The following RBM19 variants were observed in gnomAD, a reference collection of about 807,000 sequenced individuals.
The protein encoded by RBM19 is RNA binding motif protein 19.
RBM19 carries 94 observed loss-of-function variants against 116.8 expected under a neutral mutation model. The observed-to-expected ratio is 0.80, with a 90% CI of 0.68 to 0.95. The LOEUF is 0.95. Among genes scored for constraint, RBM19 ranks in the 40% least tolerant of loss-of-function variants. The probability of loss-of-function intolerance (pLI) is 0.00; values close to 1 mark genes in which losing one functional copy is unlikely to be tolerated. For missense variants in RBM19, 1,161 were observed against 1,220.7 expected, an observed-to-expected ratio of 0.95 and a Z score of 0.73; for synonymous variants, 475 against 494.1, an observed-to-expected ratio of 0.96 and a Z score of 0.51.
intron 11 of RBM19, among the ~76,000 whole-genome samples, chr12:113,946,831 AG>A (rs1871067443): frequency 6.6e-6 from 1 of 152,282 alleles, no homozygotes; most frequent in African/African-American, 2.4e-5. Context: ...GATGGCAACA[AG>A]GGGATCAAGA....
At position 113,823,136 on chromosome 12, in the gene RBM19, C is replaced by T; in HGVS notation, c.*88G>A. ...GCCGCCTGCCGCTCCCCGCCCCGCC[C>T]CCCAGCCCACATGGTGGTGAGTGCA... On this transcript the variant is annotated 3_prime_UTR_variant, in exon 24 of 24. Transcript: ENST00000261741. 7.6e-7 allele frequency: 1 copy of T among 1,308,536 alleles called. No individual in the cohort carries two copies. The highest frequency in any genetic ancestry group is 1.5e-5 in the African/African-American group (1 of 68,276). The allele number at this position is 1,308,536 out of a possible 1,614,324, so 81.1% of individuals were successfully genotyped here.
intron 15 of RBM19, among the ~76,000 whole-genome samples, chr12:113,937,544 T>C (rs760477850): frequency 1.1e-4 from 16 of 148,400 alleles, no homozygotes; most frequent in Non-Finnish European, 2.3e-4. Flanking sequence ...ACTTTCTCTC[T>C]ATGTGCATAT....
chr12:113,851,508 A>G (rs1877442770), intron 22 of RBM19, among the ~76,000 whole-genome samples: 1 of 152,222 alleles, frequency 6.6e-6, no homozygotes, highest in Non-Finnish European at 1.5e-5. Context: ...CACGGGCAGC[A>G]CGGACAGCTG....
At chr12:113,854,039 G>A (rs1877684898) in intron 22 of RBM19, among the ~76,000 whole-genome samples, 1 of 152,102 alleles carries the variant, frequency 6.6e-6, no homozygotes, top group South Asian at 2.1e-4. Context: ...CAGAATTTAA[G>A]TGAATCAGTG....
At chr12:113,831,326 AAAACCTTGTC>A (rs1875390839) in intron 23 of RBM19, among the ~76,000 whole-genome samples, 1 of 152,156 alleles carries the variant, frequency 6.6e-6, no homozygotes, top group African/African-American at 2.4e-5. Flanking sequence ...AGCAGTAATA[AAAACCTTGTC>A]TGTGTGTTTT....
intron 21 of RBM19, among the ~76,000 whole-genome samples, chr12:113,872,520 T>G (rs1879316277): frequency 4.1e-5 from 4 of 98,558 alleles, no homozygotes; most frequent in Admixed American, 1.0e-4. Context: ...GGGAGGGAGG[T>G]GGGGGTGTCG....
intron 21 of RBM19, among the ~76,000 whole-genome samples, chr12:113,891,762 A>G (rs1880978302): frequency 6.6e-6 from 1 of 152,240 alleles, no homozygotes; most frequent in South Asian, 2.1e-4. Context: ...ATGAAAAAAG[A>G]TAAAACTTTT....
intron 21 of RBM19, among the ~76,000 whole-genome samples, chr12:113,891,216 T>C (rs756784116): frequency 6.6e-6 from 1 of 152,176 alleles, no homozygotes; most frequent in Non-Finnish European, 1.5e-5. Flanking sequence ...CCAGGAAACA[T>C]CCCGCCATCT....
intron 23 of RBM19, among the ~76,000 whole-genome samples, chr12:113,841,871 A>C (rs1339319431): frequency 1.3e-5 from 2 of 152,226 alleles, no homozygotes; most frequent in East Asian, 3.8e-4. Context: ...CAGCTGCTAC[A>C]GTTGCTGTGA....
At chr12:113,887,414 C>A (rs2891479) in intron 21 of RBM19, among the ~76,000 whole-genome samples, 10,103 of 151,904 alleles carry the variant, frequency 0.067, 651 homozygotes, top group East Asian at 0.34. Context: ...GAGGTGGGCA[C>A]ATCACGAGGT....
intron 21 of RBM19, among the ~76,000 whole-genome samples, chr12:113,900,627 T>A (rs576836173): frequency 1.3e-5 from 2 of 152,236 alleles, no homozygotes; most frequent in East Asian, 3.9e-4. Context: ...TGGCTAGTGT[T>A]TTTTTTCCAC....
intron 8 of RBM19, among the ~76,000 whole-genome samples, chr12:113,951,400 T>C (rs1871448394): frequency 6.6e-6 from 1 of 152,102 alleles, no homozygotes; most frequent in South Asian, 2.1e-4. Flanking sequence ...ACCAGCACCA[T>C]CACCACCACC....
chr12:113,929,194 T>C (rs950678690), intron 16 of RBM19, among the ~76,000 whole-genome samples: 2 of 152,180 alleles, frequency 1.3e-5, no homozygotes, highest in Admixed American at 1.3e-4. Flanking sequence ...TCCCACATAC[T>C]CTCACCGCCA....
chr12:113,937,412 CCAAT>C (rs1870167469), intron 15 of RBM19, among the ~76,000 whole-genome samples: 1 of 152,082 alleles, frequency 6.6e-6, no homozygotes, highest in Non-Finnish European at 1.5e-5. Flanking sequence ...TGTGTTTTTT[CCAAT>C]CAGAGTATGA....
At chr12:113,843,546 C>T (rs1231666285) in intron 23 of RBM19, among the ~76,000 whole-genome samples, 3 of 152,216 alleles carry the variant, frequency 2.0e-5, no homozygotes, top group South Asian at 2.1e-4. Flanking sequence ...GGTGAACCAT[C>T]GCCAAGTAAG....
At chr12:113,920,471 C>T (rs2135864438) in intron 19 of RBM19, 140 bp downstream of exon 19, 1 of 776,016 alleles carries the variant, frequency 1.3e-6, no homozygotes, top group South Asian at 1.6e-5. Flanking sequence ...GGCCACAGTC[C>T]CGTAGAGATC....
chr12:113,819,902 G>A (rs986892247), downstream of RBM19, among the ~76,000 whole-genome samples: 2 of 152,324 alleles, frequency 1.3e-5, no homozygotes, highest in Admixed American at 6.5e-5. Flanking sequence ...GATGATGATT[G>A]TAACAAAAAT....
chr12:113,955,034 C>T (rs867802916), intron 7 of RBM19, 97 bp downstream of exon 7: 24 of 1,215,378 alleles, frequency 2.0e-5, no homozygotes, highest in South Asian at 1.4e-4. Context: ...TGTCCTCAAC[C>T]GACTCTAATG....
chr12:113,940,228 G>A lies in RBM19; in HGVS notation c.1738-68C>T, dbSNP rs1566030358. 4.7e-6 allele frequency: 7 copies of A among 1,488,406 alleles called. No individual in the cohort carries two copies. The East Asian group carries it at 1.6e-4, about 34-fold the overall frequency. The allele number at this position is 1,488,406 out of a possible 1,614,324, so 92.2% of individuals were successfully genotyped here. A position where few individuals can be genotyped will look rare whatever the true frequency, so the allele number is the denominator to read the frequency against. On this transcript the variant is annotated intron_variant, in intron 14 of 23. Transcript: ENST00000261741. ...GAGGGTCCCCAGCTGACACCAGCAG[G>A]GATCGTGGGGCTCTCCAGACAAGGC...
Sources: gnomAD v4.1 joint callset for allele counts (sites outside exome capture counted in the v4.1 genomes callset) on GRCh38, gnomAD v4.1.1 for gene constraint, MANE v1.5 for transcripts, NCBI Gene and HGNC (gene_info 2026-07-23, HGNC 2026-07-21) for gene names.